GRB2: variants seen among roughly 807,000 people sequenced by gnomAD.
The protein encoded by GRB2 is growth factor receptor-bound protein 2.
A neutral mutation model predicts 27.4 loss-of-function variants in GRB2; 2 were observed. The observed-to-expected ratio is 0.07, with a 90% CI of 0.03 to 0.23. The LOEUF (loss-of-function observed/expected upper bound fraction) is 0.23, where lower values mean the gene tolerates loss of function less well. Ranked by LOEUF, GRB2 falls within the 10% of genes least tolerant of loss-of-function variation. The pLI is 1.00. For synonymous variants in GRB2, 94 were observed against 99.6 expected (o/e 0.94, Z 0.33); for missense variants, 102 against 282.4 (o/e 0.36, Z 4.58).
intron 2 of GRB2, among the ~76,000 whole-genome samples, chr17:75,365,658 G>GA (rs1285300106): frequency 2.0e-5 from 3 of 151,076 alleles, no homozygotes; most frequent in Non-Finnish European, 4.4e-5. Flanking sequence ...AAAGAAAAAA[G>GA]AAAGTACAAT....
chr17:75,389,624 A>C (rs2078986037), intron 2 of GRB2, among the ~76,000 whole-genome samples: 1 of 152,180 alleles, frequency 6.6e-6, no homozygotes, highest in East Asian at 1.9e-4. Context: ...AGACGGGCGG[A>C]TCACCAGGTC....
intron 2 of GRB2, among the ~76,000 whole-genome samples, chr17:75,346,977 G>T (rs1335598647): frequency 6.6e-6 from 1 of 152,096 alleles, no homozygotes; most frequent in African/African-American, 2.4e-5. Context: ...GGGAGGGTCA[G>T]GTCAGGGCAT....
At chr17:75,343,031 CAG>C (rs1351299994) in intron 2 of GRB2, among the ~76,000 whole-genome samples, 1 of 79,818 alleles carries the variant, frequency 1.3e-5, no homozygotes. Flanking sequence ...GCCTGGGTGA[CAG>C]AGAGAAACCT....
intron 1 of GRB2, among the ~76,000 whole-genome samples, chr17:75,396,584 C>T (rs574049712): frequency 6.6e-6 from 1 of 151,734 alleles, no homozygotes; most frequent in South Asian, 2.1e-4. Context: ...ATAATATCTA[C>T]CTTTTAAGAC....
At chr17:75,364,367 T>C (rs2078806003) in intron 2 of GRB2, among the ~76,000 whole-genome samples, 2 of 152,204 alleles carry the variant, frequency 1.3e-5, no homozygotes, top group Admixed American at 1.3e-4. Context: ...AGATTTATTA[T>C]GTACCAGAAT....
At chr17:75,372,260 C>T (rs1383134300) in intron 2 of GRB2, 1 of 152,136 alleles carries the variant, frequency 6.6e-6, no homozygotes, top group Non-Finnish European at 1.5e-5. Flanking sequence ...ACAACAGGTC[C>T]CCAGTATCTA....
chr17:75,324,507 GTT>G (rs767194304), intron 4 of GRB2, among the ~76,000 whole-genome samples: 11 of 36,700 alleles, frequency 3.0e-4, no homozygotes, highest in Admixed American at 1.1e-3. Context: ...ACCGCACCCA[GTT>G]TTTTTTTTTT....
At chr17:75,399,716 G>A (rs965200147) in intron 1 of GRB2, among the ~76,000 whole-genome samples, 2 of 149,868 alleles carry the variant, frequency 1.3e-5, no homozygotes, top group African/African-American at 2.5e-5. Flanking sequence ...CTGTCGCCCA[G>A]GCTGGTGTAG....
chr17:75,373,798 A>ATTTT (rs567872973), intron 2 of GRB2: 1 of 72,862 alleles, frequency 1.4e-5, no homozygotes, highest in African/African-American at 5.3e-5. Context: ...AGGTACTGGT[A>ATTTT]TTTTTTTTTT....
chr17:75,376,160 C>A (rs367709333), intron 2 of GRB2, among the ~76,000 whole-genome samples: 1 of 150,620 alleles, frequency 6.6e-6, no homozygotes, highest in Non-Finnish European at 1.5e-5. Context: ...CTAGGCAACA[C>A]GGTTAAACCC....
At chr17:75,334,234 G>T (rs997265731) in intron 2 of GRB2, among the ~76,000 whole-genome samples, 1 of 151,716 alleles carries the variant, frequency 6.6e-6, no homozygotes, top group Non-Finnish European at 1.5e-5. Flanking sequence ...GCAGTGGCGC[G>T]ATCTCGGCTC....
intron 2 of GRB2, among the ~76,000 whole-genome samples, chr17:75,368,675 G>A (rs1269879353): frequency 6.6e-6 from 1 of 151,884 alleles, no homozygotes; most frequent in East Asian, 1.9e-4. Context: ...CTCCTGAGTA[G>A]CAGGGACTAC....
chr17:75,350,235 GAAAA>G (rs35602764), intron 2 of GRB2, among the ~76,000 whole-genome samples: 5 of 130,958 alleles, frequency 3.8e-5, no homozygotes, highest in African/African-American at 8.7e-5. Context: ...TCTCTGAGGG[GAAAA>G]AAAAAAAAAA....
At chr17:75,338,793 A>C (rs2078599381) in intron 2 of GRB2, 1 of 708,058 alleles carries the variant, frequency 1.4e-6, no homozygotes, top group South Asian at 1.5e-5. Context: ...TTAAAAATAT[A>C]CAAGTCCTTT....
intron 4 of GRB2, among the ~76,000 whole-genome samples, chr17:75,325,036 T>C (rs2385263): frequency 0.59 from 89,489 of 151,956 alleles, 31,519 homozygotes; most frequent in East Asian, 0.87. Flanking sequence ...AGGCATGCCA[T>C]TGGACTCCAG....
chr17:75,328,721 A>C (rs1315054095), intron 3 of GRB2, among the ~76,000 whole-genome samples: 1 of 152,058 alleles, frequency 6.6e-6, no homozygotes, highest in Admixed American at 6.6e-5. Context: ...GGCGGGTCAC[A>C]AAGTCAGGAG....
intron 2 of GRB2, among the ~76,000 whole-genome samples, chr17:75,388,320 C>A (rs12944326): frequency 1.3e-5 from 2 of 152,052 alleles, no homozygotes; most frequent in Non-Finnish European, 2.9e-5. Flanking sequence ...CCAGGCTGGT[C>A]TCGAACTCCT....
At chr17:75,345,520 C>G (rs1447949667) in intron 2 of GRB2, among the ~76,000 whole-genome samples, 4 of 152,142 alleles carry the variant, frequency 2.6e-5, no homozygotes, top group Admixed American at 2.0e-4. Context: ...GGATACAGGA[C>G]TGAAAAACTC....
chr17:75,359,969 T>C lies in GRB2; in HGVS notation c.79-27172A>G, dbSNP rs7210705. 9.5e-3 allele frequency among the ~76,000 whole-genome samples: 1,414 copies of C among 149,022 alleles called. 27 individuals carry two copies. Among genetic ancestry groups the C allele is most frequent in the South Asian group, 0.048 (227 of 4,768 alleles). The stretch of plus-strand genomic sequence containing the variant: ...GAAAAAGTGGTGTGTTACAAAGTTC[T>C]TTCTGTCTTAAAAAAAAAAAAAAAA... On this transcript the variant is annotated intron_variant, in intron 2 of 5. Coordinates refer to ENST00000316804, the MANE Select transcript of GRB2 (RefSeq NM_002086.5).
Sources: gnomAD v4.1 joint callset for allele counts (sites outside exome capture counted in the v4.1 genomes callset) on GRCh38, gnomAD v4.1.1 for gene constraint, MANE v1.5 for transcripts, NCBI Gene and HGNC (gene_info 2026-07-23, HGNC 2026-07-21) for gene names.